The following TMEM163 variants were observed in gnomAD, a reference collection of about 807,000 sequenced individuals.
The protein encoded by TMEM163 is transmembrane protein 163.
A neutral mutation model predicts 29.3 loss-of-function variants in TMEM163; 17 were observed. The ratio of observed to expected loss-of-function variants is 0.58; its 90% confidence interval spans 0.40 to 0.87. The LOEUF (loss-of-function observed/expected upper bound fraction) is 0.87. Among genes scored for constraint, TMEM163 ranks in the 40% least tolerant of loss-of-function variants. TMEM163 has a pLI of 0.00. For synonymous variants in TMEM163, 157 were observed against 160.6 expected, an observed-to-expected ratio of 0.98 and a Z score of 0.17; for missense variants, 303 against 381.5, an observed-to-expected ratio of 0.79 and a Z score of 1.71.
chr2:134,636,408 T>C (rs930393371), intron 2 of TMEM163, among the ~76,000 whole-genome samples: 12 of 152,240 alleles, frequency 7.9e-5, no homozygotes, highest in Non-Finnish European at 1.6e-4. Flanking sequence ...TCCTATATAG[T>C]ATCTTTCGTT....
At chr2:134,529,502 CT>C (rs1680372180) in intron 4 of TMEM163, among the ~76,000 whole-genome samples, 1 of 151,698 alleles carries the variant, frequency 6.6e-6, no homozygotes, top group South Asian at 2.1e-4. Flanking sequence ...TAATTCAGCA[CT>C]TTGGGGGGTC....
intron 2 of TMEM163, among the ~76,000 whole-genome samples, chr2:134,636,952 C>T (rs1031198402): frequency 2.0e-5 from 3 of 152,204 alleles, no homozygotes; most frequent in African/African-American, 7.2e-5. Flanking sequence ...CCAACCAGCA[C>T]TTCTGACTCA....
Position 134,456,783 on chromosome 2 carries a change from A to C in TMEM163, c.810-7T>G, listed in dbSNP as rs1171643657. ...CACCATGTCGATGAGGAGTCTGCAA[A>C]GACGAAGACAGACAAGGTCACCTCC... On this transcript the variant is annotated splice_region_variant and splice_polypyrimidine_tract_variant and intron_variant, in intron 7 of 7. Transcript: ENST00000281924. 7 of 1,613,106 alleles carry C rather than the reference A, an allele frequency of 4.3e-6. No individual in the cohort carries two copies. The highest frequency in any genetic ancestry group is 5.9e-6 in the Non-Finnish European group (7 of 1,179,680).
chr2:134,672,605 G>C (rs1369661783), intron 2 of TMEM163, among the ~76,000 whole-genome samples: 1 of 151,718 alleles, frequency 6.6e-6, no homozygotes, highest in African/African-American at 2.4e-5. Flanking sequence ...TCAGACTCTT[G>C]GACTAAAGCG....
chr2:134,571,888 A>G (rs1295388791), intron 2 of TMEM163, among the ~76,000 whole-genome samples: 2 of 152,170 alleles, frequency 1.3e-5, no homozygotes, highest in East Asian at 3.9e-4. Flanking sequence ...AGAATTCCAG[A>G]CTTCTGGAAG....
intron 2 of TMEM163, among the ~76,000 whole-genome samples, chr2:134,600,000 A>T (rs957786563): frequency 2.0e-5 from 3 of 152,128 alleles, no homozygotes; most frequent in African/African-American, 7.2e-5. Context: ...TACCTAATCA[A>T]TTCCAGCGTT....
intron 5 of TMEM163, among the ~76,000 whole-genome samples, chr2:134,491,903 C>T (rs1163372206): frequency 6.6e-6 from 1 of 152,148 alleles, no homozygotes; most frequent in Non-Finnish European, 1.5e-5. Context: ...TCCTAGGTAA[C>T]ACTCGAACTG....
chr2:134,574,492 G>A (rs1000150644), intron 2 of TMEM163, among the ~76,000 whole-genome samples: 4 of 152,184 alleles, frequency 2.6e-5, no homozygotes, highest in Admixed American at 2.6e-4. Context: ...CCCAGGAGGT[G>A]CAGGTTGCAG....
chr2:134,589,270 T>C (rs1183413632), intron 2 of TMEM163, among the ~76,000 whole-genome samples: 1 of 152,160 alleles, frequency 6.6e-6, no homozygotes, highest in Non-Finnish European at 1.5e-5. Context: ...AGCAACTCCA[T>C]CTTGAATAGG....
chr2:134,664,843 A>G (rs964153260), intron 2 of TMEM163, among the ~76,000 whole-genome samples: 11 of 152,164 alleles, frequency 7.2e-5, no homozygotes, highest in Non-Finnish European at 1.5e-4. Context: ...CCAGAACTGT[A>G]ACAGAATAAA....
intron 2 of TMEM163, among the ~76,000 whole-genome samples, chr2:134,614,977 A>G (rs145350691): frequency 4.3e-4 from 66 of 152,350 alleles, no homozygotes; most frequent in African/African-American, 1.5e-3. Flanking sequence ...AGAATACGTA[A>G]GAAATGATCA....
rs552843438 is a variant in TMEM163, at chr2:134,463,637, T to A, written c.667+2477A>T. ...GAGGCTGAACTGCAAGTTCTTTAGA[T>A]CCGGCTGTGCTAGAAAGACCTGTGT... On this transcript the variant is annotated intron_variant, in intron 6 of 7. Coordinates refer to ENST00000281924, the MANE Select transcript of TMEM163 (RefSeq NM_030923.5). Among the ~76,000 whole-genome samples the A allele has an allele frequency of 3.6e-4, 55 of 152,300 alleles. 1 individual carries two copies. Among genetic ancestry groups the A allele is most frequent in the Admixed American group, 2.8e-3 (43 of 15,304 alleles).
intron 2 of TMEM163, among the ~76,000 whole-genome samples, chr2:134,683,965 CA>C (rs1303085323): frequency 6.6e-6 from 1 of 152,126 alleles, no homozygotes; most frequent in Admixed American, 6.5e-5. Context: ...CTGGTCAATT[CA>C]AAGCAGTAAA....
chr2:134,470,356 CAAA>C (rs35003964), intron 5 of TMEM163, among the ~76,000 whole-genome samples: 5,265 of 91,344 alleles, frequency 0.058, 148 homozygotes, highest in South Asian at 0.17. Context: ...GACTCCGTCT[CAAA>C]AAAAAAAAAA....
chr2:134,492,820 G>A (rs1026568700), intron 5 of TMEM163, among the ~76,000 whole-genome samples: 2 of 152,166 alleles, frequency 1.3e-5, no homozygotes, highest in Middle Eastern at 3.2e-3. Flanking sequence ...TTGTGTAAGA[G>A]TCTTTGTGCA....
rs538694301 is a variant in TMEM163 at position 134,466,396 on chromosome 2, T to C, written c.556-171A>G. The C allele has an allele frequency of 2.8e-5, 16 of 568,620 alleles. No homozygotes were observed. In the East Asian group the frequency reaches 4.4e-4, roughly 16 times the overall value. 35.2% of individuals were successfully genotyped at this position (568,620 alleles called of 1,614,324 possible). On this transcript the variant is annotated intron_variant, in intron 5 of 7. Coordinates refer to ENST00000281924, the MANE Select transcript of TMEM163 (RefSeq NM_030923.5). ...CACCTCAGTTATGTGTCACCAGGAA[T>C]TGGAAAAGATGCTCAAAAACAGATA...
At chr2:134,524,451 TTGC>T (rs1247398963) in intron 4 of TMEM163, among the ~76,000 whole-genome samples, 1 of 150,218 alleles carries the variant, frequency 6.7e-6, no homozygotes, top group Non-Finnish European at 1.5e-5. Flanking sequence ...CCATGGTGGT[TTGC>T]TGCACCCATC....
chr2:134,519,604 C>T (rs1413530425), intron 4 of TMEM163, among the ~76,000 whole-genome samples: 10 of 151,822 alleles, frequency 6.6e-5, no homozygotes, highest in Admixed American at 4.6e-4. Flanking sequence ...CGCAGCTACT[C>T]GGGAGGCTGA....
chr2:134,505,769 C>T (rs1385167151), intron 4 of TMEM163, among the ~76,000 whole-genome samples: 9 of 152,226 alleles, frequency 5.9e-5, no homozygotes, highest in Non-Finnish European at 1.3e-4. Flanking sequence ...GCACAAAAGG[C>T]GGATATGGAT....
Sources: allele counts gnomAD v4.1 joint callset (sites outside exome capture counted in the v4.1 genomes callset), GRCh38; gene constraint gnomAD v4.1.1; transcripts MANE v1.5; gene names NCBI Gene and HGNC (gene_info 2026-07-23, HGNC 2026-07-21).